SLC6A3: variants seen among roughly 807,000 people sequenced by gnomAD.
SLC6A3 encodes the protein sodium-dependent dopamine transporter.
Under a neutral mutation model 70.4 loss-of-function variants are expected in SLC6A3, and 19 were observed. The observed-to-expected ratio is 0.27, with a 90% CI of 0.19 to 0.40. The LOEUF (loss-of-function observed/expected upper bound fraction) is 0.40. SLC6A3 is among the 10% of genes least tolerant of loss of function. The probability of loss-of-function intolerance (pLI) is 1.00; values close to 1 mark genes in which losing one functional copy is unlikely to be tolerated. For synonymous variants in SLC6A3, 368 were observed against 356.6 expected, an observed-to-expected ratio of 1.03 and a Z score of -0.36; for missense variants, 613 against 838.5, an observed-to-expected ratio of 0.73 and a Z score of 3.32.
intron 7 of SLC6A3, among the ~76,000 whole-genome samples, chr5:1,415,052 A>G (rs1388501101): frequency 6.6e-6 from 1 of 152,152 alleles, no homozygotes; most frequent in East Asian, 1.9e-4. Context: ...GGTGGGCAGA[A>G]CAGACGGCCA....
At position 1,430,035 on chromosome 5, in the gene SLC6A3, C is replaced by T. The variant is rs111866045; in HGVS notation, c.653+2429G>A. On this transcript the variant is annotated intron_variant, in intron 4 of 14. Coordinates refer to ENST00000270349, the MANE Select transcript of SLC6A3 (RefSeq NM_001044.5). ...CGAGAGTCCTGCCCAGACTCTCCCACGACCTTGCCTGCAGCTGCGCTTCCT... is the reference window on the plus strand; with the variant it reads ...CGAGAGTCCTGCCCAGACTCTCCCATGACCTTGCCTGCAGCTGCGCTTCCT... Among the ~76,000 whole-genome samples, 1,116 of 152,292 alleles carry T rather than the reference C, an allele frequency of 7.3e-3. 15 individuals carry two copies. The highest frequency in any genetic ancestry group is 0.024 in the African/African-American group (1,005 of 41,548).
chr5:1,419,726 C>T (rs1756390594), intron 6 of SLC6A3, among the ~76,000 whole-genome samples: 1 of 152,168 alleles, frequency 6.6e-6, no homozygotes. Context: ...GGCCACACGC[C>T]TGCTGCACCC....
At chr5:1,424,092 C>T (rs1756524659) in intron 4 of SLC6A3, among the ~76,000 whole-genome samples, 3 of 152,244 alleles carry the variant, frequency 2.0e-5, no homozygotes, top group Admixed American at 6.5e-5. Flanking sequence ...ACAGTGCCTC[C>T]GTCCTATCCT....
Position 1,394,410 on chromosome 5 carries a change from G to A in SLC6A3, c.*325C>T. On this transcript the variant is annotated 3_prime_UTR_variant, in exon 15 of 15. Coordinates refer to ENST00000270349, the MANE Select transcript of SLC6A3 (RefSeq NM_001044.5). The surrounding 1 kb of genome is among the most constrained non-coding windows in gnomAD (Gnocchi z 4.7). ...GCCCCTGGGGCAGCCTCAGAGCCGG[G>A]AGCAGGGAGCAGGGAGGGAGGGAGC... 6.1e-6 allele frequency: 3 copies of A among 490,250 alleles called. No homozygotes were observed. Among genetic ancestry groups the A allele is most frequent in the South Asian group, 4.6e-5 (2 of 43,900 alleles). 30.4% of individuals were successfully genotyped at this position (490,250 alleles called of 1,614,324 possible).
rs149369244 is a variant in SLC6A3, at chr5:1,421,349, G to A, written c.792+527C>T. Among the ~76,000 whole-genome samples, 982 of 152,124 alleles carry A rather than the reference G, an allele frequency of 6.5e-3. 9 individuals carry two copies. Among genetic ancestry groups the A allele is most frequent in the African/African-American group, 0.022 (911 of 41,482 alleles). On this transcript the variant is annotated intron_variant, in intron 5 of 14. Coordinates refer to ENST00000270349, the MANE Select transcript of SLC6A3 (RefSeq NM_001044.5). The surrounding 1 kb of genome is among the most constrained non-coding windows in gnomAD (Gnocchi z 7.2). ...CGTGCCACCGTGCCTGGCTAATTTC[G>A]TATTTTTAGTAGAGATGGGGTTTCA...
chr5:1,437,122 G>C lies in SLC6A3; in HGVS notation c.418+4237C>G, dbSNP rs1385261708. 6.6e-6 allele frequency among the ~76,000 whole-genome samples: 1 copy of C among 151,968 alleles called. No individual in the cohort carries two copies. Among genetic ancestry groups the C allele is most frequent in the Admixed American group, 6.6e-5 (1 of 15,264 alleles). The stretch of plus-strand genomic sequence containing the variant: ...AAAAATTAGCGGGGCGTGGTGGCAC[G>C]CACCTGTAGCCCCAGCTACTCGGGA... On this transcript the variant is annotated intron_variant, in intron 3 of 14. Coordinates refer to ENST00000270349, the MANE Select transcript of SLC6A3 (RefSeq NM_001044.5). This position sits in a 1 kb window ranked among gnomAD's most constrained non-coding sequence, Gnocchi z 4.8.
At chr5:1,409,462 C>T (rs540602356) in intron 10 of SLC6A3, among the ~76,000 whole-genome samples, 1 of 152,266 alleles carries the variant, frequency 6.6e-6, no homozygotes, top group East Asian at 1.9e-4. Context: ...GTCCCCCAGT[C>T]CCCAAACCCT....
At position 1,421,618 on chromosome 5, in the gene SLC6A3, G is replaced by A. The variant is rs58116816; in HGVS notation, c.792+258C>T. ...CGTGTCCCCCCACCCACCCATGGCC[G>A]CGCGTCTACCCAAGCCAACCCGGCA... On this transcript the variant is annotated intron_variant, in intron 5 of 14. Coordinates refer to ENST00000270349, the MANE Select transcript of SLC6A3 (RefSeq NM_001044.5). This position sits in a 1 kb window ranked among gnomAD's most constrained non-coding sequence, Gnocchi z 7.2. 0.023 allele frequency among the ~76,000 whole-genome samples: 3,502 copies of A among 149,542 alleles called. 136 individuals are homozygous for A. The highest frequency in any genetic ancestry group is 0.075 in the African/African-American group (3,045 of 40,460).
At position 1,421,862 on chromosome 5, in the gene SLC6A3, C is replaced by T; in HGVS notation, c.792+14G>A. 1.2e-6 allele frequency: 2 copies of T among 1,612,826 alleles called. No homozygotes were observed. Among genetic ancestry groups the T allele is most frequent in the Non-Finnish European group, 1.7e-6 (2 of 1,179,782 alleles). ...CCATGTCTACAGGCCCAATTGGTGA[C>T]CCCCGAGCCTCACCTTCCCTGAGGT... On this transcript the variant is annotated intron_variant, in intron 5 of 14. Coordinates refer to ENST00000270349, the MANE Select transcript of SLC6A3 (RefSeq NM_001044.5). This position sits in a 1 kb window ranked among gnomAD's most constrained non-coding sequence, Gnocchi z 7.2.
intron 4 of SLC6A3, among the ~76,000 whole-genome samples, chr5:1,423,849 C>T (rs1287286656): frequency 6.6e-6 from 1 of 152,214 alleles, no homozygotes; most frequent in East Asian, 1.9e-4. Context: ...AGACAGAAGC[C>T]GCGTTATGAA....
At position 1,405,305 on chromosome 5, in the gene SLC6A3, A is replaced by G. The variant is rs1452993628; in HGVS notation, c.1599+883T>C. Among the ~76,000 whole-genome samples the G allele has an allele frequency of 6.6e-6, 1 of 152,144 alleles. No individual in the cohort carries two copies. The highest frequency in any genetic ancestry group is 1.5e-5 in the Non-Finnish European group (1 of 68,018). On this transcript the variant is annotated intron_variant, in intron 12 of 14. Coordinates refer to ENST00000270349, the MANE Select transcript of SLC6A3 (RefSeq NM_001044.5). This position sits in a 1 kb window ranked among gnomAD's most constrained non-coding sequence, Gnocchi z 5.3. ...GTACCCCGGAACCCCTCTGCTGGCA[A>G]CTACGGGGCTGTCCCACCTGCTGTG...
intron 4 of SLC6A3, among the ~76,000 whole-genome samples, chr5:1,431,060 G>A (rs921724722): frequency 1.3e-5 from 2 of 150,522 alleles, no homozygotes; most frequent in African/African-American, 4.8e-5. Context: ...GGAGAATCGC[G>A]CAAACGTCCT....
At chr5:1,400,731 G>A (rs772579492) in intron 14 of SLC6A3, among the ~76,000 whole-genome samples, 184 bp downstream of exon 14, 3 of 152,116 alleles carry the variant, frequency 2.0e-5, no homozygotes, top group Non-Finnish European at 2.9e-5. Context: ...TGTGCCCCCC[G>A]TCCCGGGCAC....
rs973793261 is a variant in SLC6A3 at position 1,396,745 on chromosome 5, G to A, written c.1840-1987C>T. 2.6e-5 allele frequency among the ~76,000 whole-genome samples: 4 copies of A among 152,224 alleles called. No homozygotes were observed. Among genetic ancestry groups the A allele is most frequent in the African/African-American group, 9.6e-5 (4 of 41,460 alleles). ...ACGGTGCCTGTTCCCCCAGCCAGGA[G>A]AATGTCATGATTCTCGGGGATCTGC... On this transcript the variant is annotated intron_variant, in intron 14 of 14. Coordinates refer to ENST00000270349, the MANE Select transcript of SLC6A3 (RefSeq NM_001044.5). The surrounding 1 kb of genome is among the most constrained non-coding windows in gnomAD (Gnocchi z 7.0).
chr5:1,408,992 G>A lies in SLC6A3; in HGVS notation c.1498+34C>T. Reference sequence around the variant, plus strand: ...GGAGTGGCACAGCCACCAAACAAGAGGGTGCCGGCTTGGCTGCCTTCCCCC... The same window carrying A: ...GGAGTGGCACAGCCACCAAACAAGAAGGTGCCGGCTTGGCTGCCTTCCCCC... On this transcript the variant is annotated intron_variant, in intron 11 of 14. Transcript: ENST00000270349. The surrounding 1 kb of genome is among the most constrained non-coding windows in gnomAD (Gnocchi z 6.4). The A allele has an allele frequency of 6.9e-7, 1 of 1,451,194 alleles. No individual in the cohort carries two copies. The highest frequency in any genetic ancestry group is 9.7e-7 in the Non-Finnish European group (1 of 1,033,574). The allele number at this position is 1,451,194 out of a possible 1,614,324, so 89.9% of individuals were successfully genotyped here.
In SLC6A3 at chr5:1,437,977, G is replaced by T. The variant is rs1756878944; in HGVS notation, c.418+3382C>A. On this transcript the variant is annotated intron_variant, in intron 3 of 14. Transcript: ENST00000270349. This position sits in a 1 kb window ranked among gnomAD's most constrained non-coding sequence, Gnocchi z 4.8. The stretch of plus-strand genomic sequence containing the variant: ...TGTATCAGGGTGCCGGGGGTGCATG[G>T]TGTACATCTGATTTCATAAGCAATG... Among the ~76,000 whole-genome samples the T allele has an allele frequency of 6.6e-6, 1 of 152,194 alleles. No individual in the cohort carries two copies. The highest frequency in any genetic ancestry group is 1.5e-5 in the Non-Finnish European group (1 of 68,036).
intron 8 of SLC6A3, among the ~76,000 whole-genome samples, chr5:1,414,176 T>G (rs1408089541): frequency 6.6e-6 from 1 of 151,884 alleles, no homozygotes; most frequent in Non-Finnish European, 1.5e-5. Context: ...ATTCCTCCCC[T>G]TCCCTGAGCT....
chr5:1,396,640 C>A lies in SLC6A3; in HGVS notation c.1840-1882G>T, dbSNP rs991103855. ...GCTGAGGGTTCAGACGAGCACATCCCGCTGTGAATGAGGAGGCTGGGGAGA... is the reference window on the plus strand; with the variant it reads ...GCTGAGGGTTCAGACGAGCACATCCAGCTGTGAATGAGGAGGCTGGGGAGA... On this transcript the variant is annotated intron_variant, in intron 14 of 14. Coordinates refer to ENST00000270349, the MANE Select transcript of SLC6A3 (RefSeq NM_001044.5). The surrounding 1 kb of genome is among the most constrained non-coding windows in gnomAD (Gnocchi z 7.0). 6.7e-6 allele frequency among the ~76,000 whole-genome samples: 1 copy of A among 150,268 alleles called. No individual in the cohort carries two copies.
intron 3 of SLC6A3, among the ~76,000 whole-genome samples, chr5:1,440,718 G>A (rs187211105): frequency 6.6e-6 from 1 of 152,118 alleles, no homozygotes; most frequent in East Asian, 1.9e-4. Flanking sequence ...GAAGCAAGAA[G>A]TATAAAGAGG....
Sources: gnomAD v4.1 joint callset for allele counts (sites outside exome capture counted in the v4.1 genomes callset) on GRCh38, gnomAD v4.1.1 for gene constraint, Gnocchi (gnomAD v3.1) non-coding constraint, MANE v1.5 for transcripts, NCBI Gene and HGNC (gene_info 2026-07-23, HGNC 2026-07-21) for gene names.